NIPA1: variants seen among roughly 807,000 people sequenced by gnomAD.
NIPA1 encodes the protein magnesium transporter NIPA1.
In NIPA1, 13 loss-of-function variants were observed where a neutral mutation model predicts 23.9. The ratio of observed to expected loss-of-function variants is 0.54; its 90% CI spans 0.35 to 0.87. The LOEUF (loss-of-function observed/expected upper bound fraction) is 0.87. NIPA1 is among the 40% of genes least tolerant of loss of function. The pLI, the probability that NIPA1 is intolerant of heterozygous loss-of-function variation, is 0.01. For synonymous variants in NIPA1, 234 were observed against 202.9 expected, an observed-to-expected ratio of 1.15 and a Z score of -1.30; for missense variants, 362 against 429.7, an observed-to-expected ratio of 0.84 and a Z score of 1.39.
In NIPA1 at chr15:22,824,602, A is replaced by AT. The variant is rs1486652249; in HGVS notation, c.*368dup. The AT allele has an allele frequency of 3.4e-6, 1 of 291,650 alleles. No homozygotes were observed. Among genetic ancestry groups the AT allele is most frequent in the Non-Finnish European group, 6.6e-6 (1 of 151,856 alleles). The allele number at this position is 291,650 out of a possible 1,614,324, so 18.1% of individuals were successfully genotyped here. A position where few individuals can be genotyped will look rare whatever the true frequency, so the allele number is the denominator to read the frequency against. ...TTAGTTGTTACATGATAGCAGAGAT[A>AT]TTTTTACTTAGATTACTTTGGGAAT... On this transcript the variant is annotated 3_prime_UTR_variant, in exon 5 of 5. Coordinates refer to ENST00000337435, the MANE Select transcript of NIPA1 (RefSeq NM_144599.5). The surrounding 1 kb of genome is among the most constrained non-coding windows in gnomAD (Gnocchi z 4.1).
chr15:22,799,651 A>G (rs770955201), intron 1 of NIPA1, among the ~76,000 whole-genome samples: 12 of 151,684 alleles, frequency 7.9e-5, no homozygotes, highest in South Asian at 2.1e-4. Context: ...GTGTGGCGGC[A>G]GGCGCCTGTA....
chr15:22,804,642 T>C (rs1358448029), intron 1 of NIPA1, among the ~76,000 whole-genome samples: 2 of 152,120 alleles, frequency 1.3e-5, no homozygotes, highest in African/African-American at 2.4e-5. Context: ...GAGGCATGAA[T>C]TAAACTTCAA....
At chr15:22,790,483 G>T (rs1363690391) in intron 1 of NIPA1, among the ~76,000 whole-genome samples, 1 of 148,998 alleles carries the variant, frequency 6.7e-6, no homozygotes, top group Non-Finnish European at 1.5e-5. Context: ...GTGCAATGGT[G>T]CAATCTCACT....
chr15:22,810,906 G>A, intron 2 of NIPA1, 110 bp downstream of exon 2: 1 of 859,218 alleles, frequency 1.2e-6, no homozygotes, highest in Non-Finnish European at 2.0e-6. Context: ...TTGGAAGAGG[G>A]TGTCGCGTGG....
chr15:22,823,623 CGGTGGCG>C (rs756295012), intron 4 of NIPA1, 98 bp from the exon 5 acceptor site: 75 of 1,133,850 alleles, frequency 6.6e-5, no homozygotes, highest in South Asian at 3.3e-4. Flanking sequence ...CAGTAGAGGC[CGGTGGCG>C]GGTGGCGGGT....
Position 22,807,782 on chromosome 15 carries a change from T to TTGTGTGTG in NIPA1, c.179-2952_179-2945dup, listed in dbSNP as rs71117484. ...TAATTTCCACAGAGTTTAAATTCAC[T>TTGTGTGTG]TGTGTGTGTGTGTGTGTGTGTGATG... On this transcript the variant is annotated intron_variant, in intron 1 of 4. Coordinates refer to ENST00000337435, the MANE Select transcript of NIPA1 (RefSeq NM_144599.5). Among the ~76,000 whole-genome samples, 210 of 145,932 alleles carry TTGTGTGTG rather than the reference T, an allele frequency of 1.4e-3. 1 individual carries two copies. Among genetic ancestry groups the TTGTGTGTG allele is most frequent in the African/African-American group, 5.2e-3 (197 of 38,056 alleles).
At chr15:22,810,859 C>T in intron 2 of NIPA1, 63 bp downstream of exon 2, 1 of 1,319,872 alleles carries the variant, frequency 7.6e-7, no homozygotes, top group African/African-American at 1.4e-5. Context: ...CTGGTCTGGG[C>T]AGGGCTGGAG....
intron 1 of NIPA1, among the ~76,000 whole-genome samples, chr15:22,791,033 A>G (rs928891158): frequency 6.6e-6 from 1 of 152,142 alleles, no homozygotes; most frequent in Non-Finnish European, 1.5e-5. Context: ...TTATATGGTT[A>G]TATTGCACAG....
At chr15:22,801,974 T>C (rs1306285740) in intron 1 of NIPA1, among the ~76,000 whole-genome samples, 1 of 152,190 alleles carries the variant, frequency 6.6e-6, no homozygotes. Context: ...TGTGCTGTAC[T>C]CTTAATTTCC....
chr15:22,824,531 A>C lies in NIPA1; in HGVS notation c.*292A>C. On this transcript the variant is annotated 3_prime_UTR_variant, in exon 5 of 5. Transcript: ENST00000337435. The surrounding 1 kb of genome is among the most constrained non-coding windows in gnomAD (Gnocchi z 4.1). ...CTTTCATGAATATTCTCTTCTTTTA[A>C]AACATTTTAACATTATTTAAACAGA... 2.5e-6 allele frequency: 1 copy of C among 401,358 alleles called. No homozygotes were observed. The highest frequency in any genetic ancestry group is 4.6e-6 in the Non-Finnish European group (1 of 216,948). The allele number at this position is 401,358 out of a possible 1,614,324, so 24.9% of individuals were successfully genotyped here. A position where few individuals can be genotyped will look rare whatever the true frequency, so the allele number is the denominator to read the frequency against.
At chr15:22,810,418 C>A (rs1338932673) in intron 1 of NIPA1, among the ~76,000 whole-genome samples, 1 of 152,136 alleles carries the variant, frequency 6.6e-6, no homozygotes, top group Non-Finnish European at 1.5e-5. Context: ...TTTAAAGACT[C>A]AAACCCTTTT....
chr15:22,803,683 T>G (rs1468607125), intron 1 of NIPA1, among the ~76,000 whole-genome samples: 1 of 139,666 alleles, frequency 7.2e-6, no homozygotes, highest in Non-Finnish European at 1.6e-5. Flanking sequence ...TAATTTTTTT[T>G]TTTTTTTTTT....
intron 3 of NIPA1, 69 bp from the exon 4 acceptor site, chr15:22,820,244 T>G (rs1895509362): frequency 9.2e-7 from 1 of 1,090,462 alleles, no homozygotes; most frequent in Admixed American, 1.7e-5. Context: ...CTAGATAAAA[T>G]ATCTGCTGTT....
intron 3 of NIPA1, chr15:22,813,694 T>C: frequency 2.2e-6 from 1 of 455,584 alleles, no homozygotes; most frequent in Non-Finnish European, 4.4e-6. Flanking sequence ...GTTTACACCT[T>C]AGAGTCACGT....
intron 1 of NIPA1, among the ~76,000 whole-genome samples, chr15:22,791,391 T>G (rs1894822255): frequency 6.6e-6 from 1 of 151,924 alleles, no homozygotes; most frequent in African/African-American, 2.4e-5. Context: ...AGATTTGAGA[T>G]TCTAGATAGT....
chr15:22,820,792 C>A (rs889820628), intron 4 of NIPA1, among the ~76,000 whole-genome samples: 13 of 152,084 alleles, frequency 8.5e-5, no homozygotes, highest in African/African-American at 2.9e-4. Flanking sequence ...GGCCACCCTC[C>A]CAAGTCTGAC....
At chr15:22,823,621 G>A in intron 4 of NIPA1, 107 bp from the exon 5 acceptor site, 1 of 1,104,992 alleles carries the variant, frequency 9.0e-7, no homozygotes. Context: ...CGCAGTAGAG[G>A]CCGGTGGCGG....
At chr15:22,803,503 CTTTT>C (rs35223839) in intron 1 of NIPA1, among the ~76,000 whole-genome samples, 1,322 of 69,342 alleles carry the variant, frequency 0.019, 9 homozygotes, top group Middle Eastern at 0.086. Flanking sequence ...TTAAAAGTGC[CTTTT>C]TTTTTTTTTT....
rs993185423 is a variant in NIPA1 at position 22,828,606 on chromosome 15, G to T, written c.*4367G>T. The T allele has an allele frequency of 6.6e-6, 1 of 152,494 alleles. No homozygotes were observed. The highest frequency in any genetic ancestry group is 2.4e-5 in the African/African-American group (1 of 41,390). 9.4% of individuals were successfully genotyped at this position (152,494 alleles called of 1,614,324 possible). A position where few individuals can be genotyped will look rare whatever the true frequency, so the allele number is the denominator to read the frequency against. Reference sequence around the variant, plus strand: ...TTATATTTTAAGAAAATGTAACTTTGTTACATCAAAATATGTTGTCTAGTA... The same window carrying T: ...TTATATTTTAAGAAAATGTAACTTTTTTACATCAAAATATGTTGTCTAGTA... On this transcript the variant is annotated 3_prime_UTR_variant, in exon 5 of 5. Transcript: ENST00000337435.
Sources: allele counts gnomAD v4.1 joint callset (sites outside exome capture counted in the v4.1 genomes callset), GRCh38; gene constraint gnomAD v4.1.1; non-coding constraint Gnocchi (gnomAD v3.1); transcripts MANE v1.5; gene names NCBI Gene and HGNC (gene_info 2026-07-23, HGNC 2026-07-21).